PYROXD1: variants seen among roughly 807,000 people sequenced by gnomAD.
PYROXD1 encodes the protein pyridine nucleotide-disulphide oxidoreductase domain 1, also known as tRNA ligase complex-associated NAD(P)H dehydrogenase PYROXD1.
Under a neutral mutation model 62.0 loss-of-function variants are expected in PYROXD1, and 42 were observed. The ratio of observed to expected loss-of-function variants is 0.68; its 90% confidence interval spans 0.53 to 0.88. The LOEUF is 0.88. Among genes scored for constraint, PYROXD1 ranks in the 40% least tolerant of loss-of-function variants. The pLI is 0.00. For synonymous variants in PYROXD1, 170 were observed against 206.4 expected, an observed-to-expected ratio of 0.82 and a Z score of 1.51; for missense variants, 493 against 604.8, an observed-to-expected ratio of 0.82 and a Z score of 1.94.
At chr12:21,454,016 T>A (rs1039125542) in intron 5 of PYROXD1, among the ~76,000 whole-genome samples, 3 of 148,692 alleles carry the variant, frequency 2.0e-5, no homozygotes, top group African/African-American at 7.4e-5. Flanking sequence ...CCCAATAATC[T>A]TCTATGTTTA....
At chr12:21,439,937 T>A (rs773479025) in intron 1 of PYROXD1, among the ~76,000 whole-genome samples, 28 of 152,194 alleles carry the variant, frequency 1.8e-4, no homozygotes, top group Non-Finnish European at 3.2e-4. Flanking sequence ...ATTCTAAGTG[T>A]TTAATATTGA....
At position 21,454,060 on chromosome 12, in the gene PYROXD1, T is replaced by C. The variant is rs139526027; in HGVS notation, c.489-1072T>C. 9.5e-4 allele frequency among the ~76,000 whole-genome samples: 144 copies of C among 152,044 alleles called. 1 individual carries two copies. In the East Asian group the frequency reaches 0.02, roughly 21 times the overall value. ...GAAGAGCTGGAAAAACGAAGACTTA[T>C]TAGGTAAAGCAAGGAGTTCCTTATC... On this transcript the variant is annotated intron_variant, in intron 5 of 11. Transcript: ENST00000240651.
In PYROXD1 at chr12:21,456,109, T is replaced by C. The variant is rs1565550588; in HGVS notation, c.750+14T>C. 2.8e-6 allele frequency: 4 copies of C among 1,433,382 alleles called. No homozygotes were observed. Among genetic ancestry groups the C allele is most frequent in the Non-Finnish European group, 2.9e-6 (3 of 1,024,558 alleles). 88.8% of individuals were successfully genotyped at this position (1,433,382 alleles called of 1,614,324 possible). A position where few individuals can be genotyped will look rare whatever the true frequency, so the allele number is the denominator to read the frequency against. ...GGAACAAAAGAGGTATCTTTTCATA[T>C]ACTAATTGGTCATGTCTAAATGTAA... is the stretch of plus-strand genomic sequence containing the variant. On this transcript the variant is annotated intron_variant, in intron 7 of 11. Coordinates refer to ENST00000240651, the MANE Select transcript of PYROXD1 (RefSeq NM_024854.5).
At chr12:21,463,955 T>A (rs1312480607) in intron 10 of PYROXD1, among the ~76,000 whole-genome samples, 5 of 152,164 alleles carry the variant, frequency 3.3e-5, no homozygotes, top group Admixed American at 3.3e-4. Flanking sequence ...TCATTCAGAT[T>A]ATGCAGTGTG....
At chr12:21,466,433 TG>T (rs1485382705) in intron 10 of PYROXD1, among the ~76,000 whole-genome samples, 17 of 152,170 alleles carry the variant, frequency 1.1e-4, no homozygotes, top group Admixed American at 1.1e-3. Flanking sequence ...GAAGCAATTG[TG>T]AATGGGAATT....
At chr12:21,444,432 G>C (rs1366025795) in intron 2 of PYROXD1, among the ~76,000 whole-genome samples, 1 of 151,884 alleles carries the variant, frequency 6.6e-6, no homozygotes, top group African/African-American at 2.4e-5. Context: ...GATATGAAGA[G>C]TGATAGAGAC....
At chr12:21,452,961 G>C (rs1410970269) in intron 5 of PYROXD1, among the ~76,000 whole-genome samples, 2 of 152,162 alleles carry the variant, frequency 1.3e-5, no homozygotes, top group South Asian at 2.1e-4. Context: ...GTGGAAGCCT[G>C]TAAGAGTTCT....
Position 21,471,216 on chromosome 12 carries a change from A to AG in PYROXD1, c.*2462_*2463insG. Reference sequence around the variant, plus strand: ...TAACACATTGACTTGAAATAATAAAATTTACAAGAATGCAAATAAAGCCTT... The same window carrying AG: ...TAACACATTGACTTGAAATAATAAAAGTTTACAAGAATGCAAATAAAGCCTT... On this transcript the variant is annotated 3_prime_UTR_variant, in exon 12 of 12. Transcript: ENST00000240651. 1.8e-6 allele frequency: 2 copies of AG among 1,120,182 alleles called. No individual in the cohort carries two copies. Among genetic ancestry groups the AG allele is most frequent in the Non-Finnish European group, 2.5e-6 (2 of 802,232 alleles). 69.4% of individuals were successfully genotyped at this position (1,120,182 alleles called of 1,614,324 possible).
Position 21,462,847 on chromosome 12 carries a change from C to T in PYROXD1, c.1101C>T (p.Ser367=), listed in dbSNP as rs777822984. Residue 367 remains serine (S), a synonymous_variant, in exon 10 of 12, where the codon AGC becomes AGT. Coordinates refer to ENST00000240651, the MANE Select transcript of PYROXD1 (RefSeq NM_024854.5). The part of the protein sequence containing the change: ...GDICTTSWQL[S]PVWQQMRLWT... ...TCTGTACTACATCCTGGCAGCTGAG[C>T]CCAGTCTGGCAGCAGGTAAGCTAGC... 6 of 1,613,606 alleles carry T rather than the reference C, an allele frequency of 3.7e-6. No individual in the cohort carries two copies. Among genetic ancestry groups the T allele is most frequent in the Non-Finnish European group, 5.1e-6 (6 of 1,179,900 alleles).
At chr12:21,438,945 G>A (rs1375971206) in intron 1 of PYROXD1, among the ~76,000 whole-genome samples, 1 of 152,196 alleles carries the variant, frequency 6.6e-6, no homozygotes, top group East Asian at 1.9e-4. Context: ...GTATGTCTAT[G>A]CAAGAGATAT....
intron 1 of PYROXD1, 182 bp downstream of exon 1, chr12:21,437,996 C>T (rs959670690): frequency 6.5e-6 from 4 of 619,346 alleles, no homozygotes; most frequent in East Asian, 2.8e-5. Context: ...ACCTCACTAG[C>T]TTTCTCTTAG....
At chr12:21,446,019 A>G (rs1228460759) in intron 3 of PYROXD1, among the ~76,000 whole-genome samples, 1 of 152,184 alleles carries the variant, frequency 6.6e-6, no homozygotes, top group Non-Finnish European at 1.5e-5. Context: ...AAGAAATATG[A>G]AGAATAGAGA....
chr12:21,448,252 C>A (rs1942429439), intron 3 of PYROXD1: 2 of 414,604 alleles, frequency 4.8e-6, no homozygotes, highest in Non-Finnish European at 9.3e-6. Context: ...ACTGTGCTTC[C>A]CCAGGAACTT....
At chr12:21,468,469 A>C in intron 11 of PYROXD1, 37 bp from the exon 12 acceptor site, 4 of 1,571,736 alleles carry the variant, frequency 2.5e-6, no homozygotes, top group Non-Finnish European at 2.6e-6. Flanking sequence ...TTTCTTTATG[A>C]TACTCATGAC....
intron 3 of PYROXD1, chr12:21,448,303 T>C: frequency 3.0e-6 from 1 of 331,692 alleles, no homozygotes. Flanking sequence ...AGTGTGTGGC[T>C]CACTTCCGTC....
chr12:21,467,683 T>G, intron 11 of PYROXD1, 65 bp downstream of exon 11: 1 of 1,236,482 alleles, frequency 8.1e-7, no homozygotes, highest in Non-Finnish European at 1.1e-6. Context: ...ATAAATCATG[T>G]GATTTTCTTG....
chr12:21,470,368 A>G lies in PYROXD1; in HGVS notation c.*1614A>G, dbSNP rs779256876. 8.5e-6 allele frequency: 13 copies of G among 1,524,286 alleles called. No homozygotes were observed. The highest frequency in any genetic ancestry group is 2.6e-6 in the Non-Finnish European group (3 of 1,139,982). The allele number at this position is 1,524,286 out of a possible 1,614,324, so 94.4% of individuals were successfully genotyped here. On this transcript the variant is annotated 3_prime_UTR_variant, in exon 12 of 12. Coordinates refer to ENST00000240651, the MANE Select transcript of PYROXD1 (RefSeq NM_024854.5). ...CAGCCTACAAAAAAAAAAAAAAAAC[A>G]AAGCAAGCACCTTGGTAAAAATCCA...
intron 7 of PYROXD1, among the ~76,000 whole-genome samples, chr12:21,458,612 T>G (rs973163115): frequency 6.6e-6 from 1 of 152,212 alleles, no homozygotes; most frequent in Non-Finnish European, 1.5e-5. Context: ...TTACTTTCAC[T>G]TGAACACTTA....
At chr12:21,438,851 G>A (rs2417979) in intron 1 of PYROXD1, among the ~76,000 whole-genome samples, 2,885 of 151,992 alleles carry the variant, frequency 0.019, 83 homozygotes, top group African/African-American at 0.065. Flanking sequence ...ACCGTATTAA[G>A]GGCTGAGTGT....
Sources: allele counts gnomAD v4.1 joint callset (sites outside exome capture counted in the v4.1 genomes callset), GRCh38; gene constraint gnomAD v4.1.1; transcripts MANE v1.5; gene names NCBI Gene and HGNC (gene_info 2026-07-23, HGNC 2026-07-21).